The following KITLG variants were observed in gnomAD, a reference collection of about 807,000 sequenced individuals.
KITLG encodes the protein c-Kit ligand.
KITLG carries 13 observed loss-of-function variants against 34.1 expected under a neutral mutation model. The observed-to-expected ratio is 0.38, with a 90% CI of 0.25 to 0.61. The LOEUF is 0.61. KITLG is among the 20% of genes least tolerant of loss of function. The pLI, the probability that KITLG is intolerant of heterozygous loss-of-function variation, is 0.60. For synonymous variants in KITLG, 110 were observed against 104.0 expected (o/e 1.06, Z -0.35); for missense variants, 292 against 318.9 (o/e 0.92, Z 0.64).
intron 2 of KITLG, among the ~76,000 whole-genome samples, chr12:88,540,181 T>C (rs1010588986): frequency 2.6e-5 from 4 of 152,136 alleles, no homozygotes; most frequent in Admixed American, 6.6e-5. Context: ...ATAAGGTGAC[T>C]ACTATTCAGG....
chr12:88,504,584 G>C (rs1271183367), intron 9 of KITLG, among the ~76,000 whole-genome samples: 2 of 152,138 alleles, frequency 1.3e-5, no homozygotes, highest in Non-Finnish European at 2.9e-5. Context: ...ACACCAGTTA[G>C]AATGGTGATC....
chr12:88,526,091 T>A (rs1213918352), intron 3 of KITLG, among the ~76,000 whole-genome samples: 2 of 152,144 alleles, frequency 1.3e-5, no homozygotes, highest in East Asian at 3.8e-4. Context: ...TGTTGGGGAA[T>A]AATGGGTATT....
At position 88,551,705 on chromosome 12, in the gene KITLG, CACA is replaced by C. The variant is rs142012125; in HGVS notation, c.16-5843_16-5841del. Reference sequence around the variant, plus strand: ...AGTCTCCTGCACTCTTGATGATGAACACAACATGTGTCCCATATGGGAGCTTAC... The same window carrying C: ...AGTCTCCTGCACTCTTGATGATGAACACATGTGTCCCATATGGGAGCTTAC... On this transcript the variant is annotated intron_variant, in intron 1 of 9. Transcript: ENST00000644744. Among the ~76,000 whole-genome samples, 1,313 of 152,306 alleles carry C rather than the reference CACA, an allele frequency of 8.6e-3. 23 individuals carry two copies. The highest frequency in any genetic ancestry group is 0.03 in the African/African-American group (1,245 of 41,568).
At chr12:88,562,092 A>G (rs564537067) in intron 1 of KITLG, among the ~76,000 whole-genome samples, 1 of 152,174 alleles carries the variant, frequency 6.6e-6, no homozygotes, top group Non-Finnish European at 1.5e-5. Flanking sequence ...TGAGGATTAT[A>G]TTATTCTTAT....
chr12:88,556,415 G>T (rs1217563130), intron 1 of KITLG, among the ~76,000 whole-genome samples: 1 of 152,176 alleles, frequency 6.6e-6, no homozygotes, highest in East Asian at 1.9e-4. Context: ...AACAAACCTG[G>T]GGGCATGAGG....
At chr12:88,513,219 A>G (rs1869342122) in intron 6 of KITLG, among the ~76,000 whole-genome samples, 1 of 151,802 alleles carries the variant, frequency 6.6e-6, no homozygotes, top group Non-Finnish European at 1.5e-5. Context: ...AACTCTAAGT[A>G]GAATATTACA....
intron 3 of KITLG, among the ~76,000 whole-genome samples, chr12:88,531,838 A>G (rs1055644881): frequency 6.6e-6 from 1 of 152,142 alleles, no homozygotes; most frequent in African/African-American, 2.4e-5. Context: ...CCAACCAAAG[A>G]TGGAAAATAT....
chr12:88,520,186 A>G (rs1869606050), intron 3 of KITLG, among the ~76,000 whole-genome samples: 1 of 152,170 alleles, frequency 6.6e-6, no homozygotes. Flanking sequence ...CTCAAAGAAT[A>G]TGTGTTTCCA....
intron 1 of KITLG, among the ~76,000 whole-genome samples, chr12:88,570,695 T>C (rs1871619476): frequency 6.6e-6 from 1 of 152,112 alleles, no homozygotes; most frequent in Non-Finnish European, 1.5e-5. Context: ...CTTTTTAAAT[T>C]CTCATTTTGG....
chr12:88,560,254 T>C (rs1336236806), intron 1 of KITLG, among the ~76,000 whole-genome samples: 3 of 152,236 alleles, frequency 2.0e-5, no homozygotes, highest in Non-Finnish European at 4.4e-5. Flanking sequence ...TAGTTAACTA[T>C]AGCTAGTTCA....
intron 4 of KITLG, among the ~76,000 whole-genome samples, chr12:88,518,380 T>A (rs1022736026): frequency 6.6e-6 from 1 of 152,182 alleles, no homozygotes; most frequent in South Asian, 2.1e-4. Flanking sequence ...AAATGAACAC[T>A]TGTAACTTAA....
chr12:88,534,847 C>A (rs779602715), intron 2 of KITLG: 1 of 349,892 alleles, frequency 2.9e-6, no homozygotes, highest in African/African-American at 2.2e-5. Flanking sequence ...AAGGAAAAAG[C>A]GTCTAGTCAT....
chr12:88,519,971 A>G (rs1013834031), intron 3 of KITLG, among the ~76,000 whole-genome samples: 1 of 152,166 alleles, frequency 6.6e-6, no homozygotes, highest in Admixed American at 6.5e-5. Flanking sequence ...CTTTATATTC[A>G]TTTAACAGAA....
chr12:88,554,471 C>A (rs1035436096), intron 1 of KITLG, among the ~76,000 whole-genome samples: 1 of 152,144 alleles, frequency 6.6e-6, no homozygotes, highest in Non-Finnish European at 1.5e-5. Context: ...CCAAAAACAA[C>A]ATTCATCTTC....
rs185122112 is a variant in KITLG at position 88,570,627 on chromosome 12, G to A, written c.15+9637C>T. 4.5e-4 allele frequency among the ~76,000 whole-genome samples: 68 copies of A among 152,068 alleles called. No individual in the cohort carries two copies. In the East Asian group the frequency reaches 0.012, roughly 28 times the overall value. On this transcript the variant is annotated intron_variant, in intron 1 of 9. Transcript: ENST00000644744. ...TGCATTATATTGTAGTGATTAGAAGGAATCTGGCCTTTAGATTTAAATAGG... is the reference window on the plus strand; with the variant it reads ...TGCATTATATTGTAGTGATTAGAAGAAATCTGGCCTTTAGATTTAAATAGG...
chr12:88,553,185 G>T (rs1238985157), intron 1 of KITLG, among the ~76,000 whole-genome samples: 3 of 152,188 alleles, frequency 2.0e-5, no homozygotes, highest in Non-Finnish European at 2.9e-5. Context: ...TCTGAACTGT[G>T]TTTAGAGTAG....
At chr12:88,571,776 T>G (rs1278467086) in intron 1 of KITLG, among the ~76,000 whole-genome samples, 1 of 152,174 alleles carries the variant, frequency 6.6e-6, no homozygotes, top group African/African-American at 2.4e-5. Context: ...CTGAGTTGCA[T>G]TTGTTTTTGA....
At chr12:88,513,877 A>C (rs1401922969) in intron 6 of KITLG, among the ~76,000 whole-genome samples, 1 of 151,754 alleles carries the variant, frequency 6.6e-6, no homozygotes, top group Non-Finnish European at 1.5e-5. Context: ...AAGCTTAATA[A>C]GGAAGGGAAG....
At chr12:88,525,670 T>C (rs1019358960) in intron 3 of KITLG, among the ~76,000 whole-genome samples, 3 of 152,214 alleles carry the variant, frequency 2.0e-5, no homozygotes, top group East Asian at 3.8e-4. Flanking sequence ...TATTAAGCTC[T>C]ATGTAAGCAA....
Sources: gnomAD v4.1 joint callset for allele counts (sites outside exome capture counted in the v4.1 genomes callset) on GRCh38, gnomAD v4.1.1 for gene constraint, MANE v1.5 for transcripts, NCBI Gene and HGNC (gene_info 2026-07-23, HGNC 2026-07-21) for gene names.